Variants in DCC observed in about 807,000 individuals in gnomAD.
DCC encodes DCC netrin 1 receptor, also known as netrin receptor DCC.
A neutral mutation model predicts 172.5 loss-of-function variants in DCC; 58 were observed. That is an observed-to-expected ratio of 0.34 (90% confidence interval 0.27 to 0.42). DCC has a LOEUF of 0.42. Ranked by LOEUF, DCC falls within the 10% of genes least tolerant of loss-of-function variation. The pLI is 1.00. For missense variants in DCC, 1,740 were observed against 1,791.0 expected (o/e 0.97, Z 0.51); for synonymous variants, 709 against 644.5 (o/e 1.10, Z -1.52).
intron 7 of DCC, among the ~76,000 whole-genome samples, chr18:53,071,927 G>T (rs2042657196): frequency 6.6e-6 from 1 of 152,062 alleles, no homozygotes; most frequent in Admixed American, 6.5e-5. Flanking sequence ...TCAGGAGTTT[G>T]AGACCAAACT....
intron 12 of DCC, among the ~76,000 whole-genome samples, chr18:53,229,728 T>C (rs1293420182): frequency 6.6e-6 from 1 of 152,002 alleles, no homozygotes; most frequent in Non-Finnish European, 1.5e-5. Flanking sequence ...TCTAAGCATC[T>C]CTCTCAATTC....
At chr18:53,224,554 G>A (rs2055995381) in intron 12 of DCC, among the ~76,000 whole-genome samples, 1 of 152,120 alleles carries the variant, frequency 6.6e-6, no homozygotes, top group African/African-American at 2.4e-5. Context: ...GAAGCAGGAA[G>A]ACCAGTTCAG....
chr18:53,526,366 G>T (rs1466746260), intron 27 of DCC, among the ~76,000 whole-genome samples: 1 of 152,098 alleles, frequency 6.6e-6, no homozygotes, highest in African/African-American at 2.4e-5. Flanking sequence ...ACTTTCCACA[G>T]CATGATTTGG....
intron 7 of DCC, among the ~76,000 whole-genome samples, chr18:53,078,657 G>A (rs1425236293): frequency 6.6e-6 from 1 of 152,080 alleles, no homozygotes; most frequent in Non-Finnish European, 1.5e-5. Context: ...AGCTTATAAT[G>A]TAGTTCCATC....
chr18:53,417,055 C>T (rs1568118454), intron 21 of DCC, among the ~76,000 whole-genome samples: 2 of 152,170 alleles, frequency 1.3e-5, no homozygotes, highest in Non-Finnish European at 2.9e-5. Context: ...TAGTTTGTTT[C>T]CTTCCTGCTT....
chr18:53,399,329 T>C (rs1909156098), intron 18 of DCC, among the ~76,000 whole-genome samples: 1 of 152,104 alleles, frequency 6.6e-6, no homozygotes, highest in Non-Finnish European at 1.5e-5. Flanking sequence ...TTGGCATCTT[T>C]TGAGACAGGT....
intron 5 of DCC, among the ~76,000 whole-genome samples, chr18:53,032,555 C>T (rs1412450227): frequency 6.6e-6 from 1 of 152,146 alleles, no homozygotes; most frequent in African/African-American, 2.4e-5. Context: ...ATCTTTGGTC[C>T]TATGCATTGT....
chr18:53,273,703 A>G (rs1208114446), intron 12 of DCC, among the ~76,000 whole-genome samples: 1 of 150,048 alleles, frequency 6.7e-6, no homozygotes. Flanking sequence ...CTCATAATTT[A>G]TCTCCTTAGG....
At chr18:53,109,658 G>A (rs1401170185) in intron 7 of DCC, among the ~76,000 whole-genome samples, 2 of 144,384 alleles carry the variant, frequency 1.4e-5, no homozygotes, top group South Asian at 4.6e-4. Context: ...CTTAACCCCA[G>A]GCAATTTTCG....
chr18:53,361,771 T>G (rs2144933414), intron 15 of DCC, among the ~76,000 whole-genome samples: 1 of 152,324 alleles, frequency 6.6e-6, no homozygotes, highest in African/African-American at 2.4e-5. Flanking sequence ...ATACAATGAA[T>G]ACTGCATAAT....
chr18:52,854,438 G>A (rs1210357210), intron 2 of DCC, among the ~76,000 whole-genome samples: 3 of 152,126 alleles, frequency 2.0e-5, no homozygotes, highest in Non-Finnish European at 2.9e-5. Context: ...TAAATGAAGA[G>A]TAAACCTACC....
At chr18:52,799,125 A>G (rs1051496192) in intron 2 of DCC, among the ~76,000 whole-genome samples, 2 of 152,236 alleles carry the variant, frequency 1.3e-5, no homozygotes, top group African/African-American at 4.8e-5. Context: ...GTGATGCTTA[A>G]TACATATAGA....
chr18:52,617,328 T>A (rs1216593505), intron 1 of DCC, among the ~76,000 whole-genome samples: 2 of 152,098 alleles, frequency 1.3e-5, no homozygotes, highest in African/African-American at 4.8e-5. Context: ...TGAGAGTCCT[T>A]ATTTATTGAG....
At chr18:53,242,346 G>A (rs2056308054) in intron 12 of DCC, among the ~76,000 whole-genome samples, 1 of 152,154 alleles carries the variant, frequency 6.6e-6, no homozygotes, top group Admixed American at 6.6e-5. Flanking sequence ...TTACTTTGTA[G>A]TTGTTCTAAT....
intron 7 of DCC, among the ~76,000 whole-genome samples, chr18:53,091,167 A>C (rs2043002880): frequency 6.6e-6 from 1 of 151,886 alleles, no homozygotes; most frequent in Admixed American, 6.6e-5. Flanking sequence ...CGTAAATTAG[A>C]CTTCCAATAA....
At chr18:53,110,834 A>G (rs1299927433) in intron 7 of DCC, among the ~76,000 whole-genome samples, 12 of 125,394 alleles carry the variant, frequency 9.6e-5, no homozygotes, top group African/African-American at 3.7e-4. Context: ...TGTGGAAGTC[A>G]GTGTGGCGAT....
At chr18:53,457,876 C>A (rs1161249354) in intron 23 of DCC, among the ~76,000 whole-genome samples, 3 of 152,078 alleles carry the variant, frequency 2.0e-5, no homozygotes, top group African/African-American at 7.2e-5. Flanking sequence ...ATCTCCTATC[C>A]TCATCAGCAC....
At chr18:52,863,317 T>G (rs1480241577) in intron 2 of DCC, among the ~76,000 whole-genome samples, 1 of 151,912 alleles carries the variant, frequency 6.6e-6, no homozygotes, top group Non-Finnish European at 1.5e-5. Flanking sequence ...TTGACTCCCA[T>G]AACCCTAATT....
At chr18:53,270,743 T>C (rs900274055) in intron 12 of DCC, among the ~76,000 whole-genome samples, 1 of 152,152 alleles carries the variant, frequency 6.6e-6, no homozygotes, top group African/African-American at 2.4e-5. Context: ...CCCTAACCTA[T>C]GTAGATTTTA....
Sources: gnomAD v4.1 joint callset for allele counts (sites outside exome capture counted in the v4.1 genomes callset) on GRCh38, gnomAD v4.1.1 for gene constraint, MANE v1.5 for transcripts, NCBI Gene and HGNC (gene_info 2026-07-23, HGNC 2026-07-21) for gene names.